The following STAC variants were observed in gnomAD, a reference collection of about 807,000 sequenced individuals.
The protein encoded by STAC is SH3 and cysteine-rich domain-containing protein.
STAC carries 43 observed loss-of-function variants against 48.8 expected under a neutral mutation model. The ratio of observed to expected loss-of-function variants is 0.88; its 90% CI spans 0.69 to 1.14. The LOEUF (loss-of-function observed/expected upper bound fraction) is 1.14. STAC is among the 50% of genes most tolerant of loss of function. The pLI is 0.00. For missense variants in STAC, 497 were observed against 504.0 expected, an observed-to-expected ratio of 0.99 and a Z score of 0.13; for synonymous variants, 193 against 179.5, an observed-to-expected ratio of 1.07 and a Z score of -0.60.
intron 1 of STAC, among the ~76,000 whole-genome samples, chr3:36,411,704 G>A (rs982693307): frequency 6.6e-6 from 1 of 152,190 alleles, no homozygotes; most frequent in Non-Finnish European, 1.5e-5. Context: ...TCCCCTAATG[G>A]AGATTAGACC....
chr3:36,398,209 C>T (rs1039451574), intron 1 of STAC, among the ~76,000 whole-genome samples: 1 of 151,764 alleles, frequency 6.6e-6, no homozygotes, highest in Non-Finnish European at 1.5e-5. Context: ...TGACCTCATC[C>T]CCTGATGGTC....
chr3:36,426,233 G>T (rs930136164), intron 1 of STAC, among the ~76,000 whole-genome samples: 1 of 152,066 alleles, frequency 6.6e-6, no homozygotes, highest in Non-Finnish European at 1.5e-5. Flanking sequence ...TAACTCTAGG[G>T]TTTTTCTTAA....
At chr3:36,437,591 C>G (rs558671308) in intron 1 of STAC, among the ~76,000 whole-genome samples, 1,592 of 127,908 alleles carry the variant, frequency 0.012, 37 homozygotes, top group African/African-American at 0.046. Context: ...AACACATGGA[C>G]ACAGGAAGGG....
intron 2 of STAC, among the ~76,000 whole-genome samples, chr3:36,475,642 C>A (rs1697473596): frequency 6.6e-6 from 1 of 152,180 alleles, no homozygotes; most frequent in Admixed American, 6.5e-5. Context: ...CCCGGGGAGG[C>A]ATGGTGAAAA....
At chr3:36,512,599 C>T (rs1187839260) in intron 8 of STAC, among the ~76,000 whole-genome samples, 1 of 152,028 alleles carries the variant, frequency 6.6e-6, no homozygotes, top group East Asian at 1.9e-4. Context: ...TGATGTCTAG[C>T]TGCCTGGTGG....
chr3:36,460,454 ATT>A (rs1366350012), intron 2 of STAC, among the ~76,000 whole-genome samples: 1 of 152,132 alleles, frequency 6.6e-6, no homozygotes, highest in Non-Finnish European at 1.5e-5. Context: ...ACACAAAAAA[ATT>A]TATTATATGA....
chr3:36,444,722 G>A (rs1186408218), intron 2 of STAC, among the ~76,000 whole-genome samples: 1 of 152,206 alleles, frequency 6.6e-6, no homozygotes, highest in Non-Finnish European at 1.5e-5. Context: ...GATACAGGGA[G>A]GGGTGGAAAA....
chr3:36,482,000 C>A (rs541431436), intron 2 of STAC, among the ~76,000 whole-genome samples: 88 of 152,298 alleles, frequency 5.8e-4, no homozygotes, highest in South Asian at 1.4e-3. Flanking sequence ...GAAATACTCT[C>A]TCCACTACCT....
chr3:36,454,716 T>C (rs1004920576), intron 2 of STAC, among the ~76,000 whole-genome samples: 48 of 152,092 alleles, frequency 3.2e-4, no homozygotes, highest in African/African-American at 1.1e-3. Flanking sequence ...TGTCAGACAC[T>C]GCTTGTATCT....
At position 36,547,425 on chromosome 3, in the gene STAC, C is replaced by T. The variant is rs1389905291; in HGVS notation, c.*1136C>T. The T allele has an allele frequency of 1.3e-5, 2 of 152,620 alleles. No individual in the cohort carries two copies. The highest frequency in any genetic ancestry group is 2.9e-5 in the Non-Finnish European group (2 of 68,046). 9.5% of individuals were successfully genotyped at this position (152,620 alleles called of 1,614,324 possible). On this transcript the variant is annotated 3_prime_UTR_variant, in exon 11 of 11. Coordinates refer to ENST00000273183, the MANE Select transcript of STAC (RefSeq NM_003149.3). ...GTAGAGGAACTAGGGGCCCAATTAGCATCATCTAGGGGAATCTCTATTACT... is the reference window on the plus strand; with the variant it reads ...GTAGAGGAACTAGGGGCCCAATTAGTATCATCTAGGGGAATCTCTATTACT...
chr3:36,490,569 C>A (rs567155527), intron 5 of STAC, among the ~76,000 whole-genome samples: 12 of 152,230 alleles, frequency 7.9e-5, no homozygotes, highest in Admixed American at 3.9e-4. Flanking sequence ...AACTGAAAAG[C>A]CAGCACATAG....
At chr3:36,519,167 CA>C (rs539276494) in intron 8 of STAC, among the ~76,000 whole-genome samples, 61 of 152,308 alleles carry the variant, frequency 4.0e-4, no homozygotes, top group African/African-American at 1.4e-3. Flanking sequence ...GGTGCCAAAT[CA>C]GGGGCAAAGG....
At chr3:36,474,146 C>T (rs58282938) in intron 2 of STAC, among the ~76,000 whole-genome samples, 4,755 of 152,208 alleles carry the variant, frequency 0.031, 226 homozygotes, top group African/African-American at 0.11. Flanking sequence ...TACCCACATC[C>T]CTACAGCAGC....
chr3:36,458,258 C>T (rs1696906397), intron 2 of STAC, among the ~76,000 whole-genome samples: 3 of 152,084 alleles, frequency 2.0e-5, no homozygotes, highest in Admixed American at 2.0e-4. Flanking sequence ...TTCATTGAGG[C>T]CCCATACTAG....
chr3:36,447,125 C>T (rs1696528863), intron 2 of STAC, among the ~76,000 whole-genome samples: 3 of 152,192 alleles, frequency 2.0e-5, no homozygotes, highest in East Asian at 1.9e-4. Context: ...CTGATTCCAC[C>T]GAGTGGTCCT....
chr3:36,388,525 T>C (rs1024734833), intron 1 of STAC, among the ~76,000 whole-genome samples: 6 of 152,030 alleles, frequency 3.9e-5, no homozygotes, highest in African/African-American at 1.4e-4. Context: ...GTTTTCTTCT[T>C]TTCAATTATA....
intron 1 of STAC, among the ~76,000 whole-genome samples, chr3:36,411,975 T>G (rs1002223438): frequency 6.6e-6 from 1 of 152,216 alleles, no homozygotes; most frequent in African/African-American, 2.4e-5. Flanking sequence ...AGCATATATG[T>G]GCTATACCAG....
chr3:36,404,952 T>A (rs563999189), intron 1 of STAC, among the ~76,000 whole-genome samples: 5 of 152,210 alleles, frequency 3.3e-5, no homozygotes, highest in African/African-American at 1.2e-4. Flanking sequence ...CAAAAGTAAT[T>A]GTAGTTTTTG....
intron 1 of STAC, among the ~76,000 whole-genome samples, chr3:36,406,294 T>C (rs1276767889): frequency 2.6e-5 from 4 of 152,172 alleles, no homozygotes; most frequent in African/African-American, 9.7e-5. Flanking sequence ...AAAGTGAGAA[T>C]GGGCTAAGGG....
Sources: allele counts gnomAD v4.1 joint callset (sites outside exome capture counted in the v4.1 genomes callset), GRCh38; gene constraint gnomAD v4.1.1; transcripts MANE v1.5; gene names NCBI Gene and HGNC (gene_info 2026-07-23, HGNC 2026-07-21).